PRKDC: variants seen among roughly 807,000 people sequenced by gnomAD.
PRKDC encodes protein kinase, DNA-activated, catalytic subunit.
PRKDC carries 82 observed loss-of-function variants against 486.9 expected under a neutral mutation model. The ratio of observed to expected loss-of-function variants is 0.17; its 90% CI spans 0.14 to 0.20. PRKDC has a LOEUF of 0.20. Ranked by LOEUF, PRKDC falls within the 10% of genes least tolerant of loss-of-function variation. The pLI, the probability that PRKDC is intolerant of heterozygous loss-of-function variation, is 1.00. For synonymous variants in PRKDC, 1,895 were observed against 1,837.0 expected (o/e 1.03, Z -0.81); for missense variants, 4,504 against 5,038.2 (o/e 0.89, Z 3.21).
intron 50 of PRKDC, 87 bp from the exon 51 acceptor site, chr8:47,854,301 G>T: frequency 6.8e-7 from 1 of 1,479,466 alleles, no homozygotes; most frequent in Non-Finnish European, 9.3e-7. Flanking sequence ...TTATTTTTTT[G>T]AGACAGAGTC....
In PRKDC at chr8:47,794,185, C is replaced by T. The variant is rs1236277133; in HGVS notation, c.10670+105G>A. On this transcript the variant is annotated intron_variant, in intron 74 of 85. Coordinates refer to ENST00000314191, the MANE Select transcript of PRKDC (RefSeq NM_006904.7). ...GGCTAAGATTATTCTTCAATGACAA[C>T]TCTAATTAATTTGAAAACAAATGTA... The T allele has an allele frequency of 8.8e-6, 8 of 912,618 alleles. No homozygotes were observed. The South Asian group carries it at 1.2e-4, about 14-fold the overall frequency. 56.5% of individuals were successfully genotyped at this position (912,618 alleles called of 1,614,324 possible). A position where few individuals can be genotyped will look rare whatever the true frequency, so the allele number is the denominator to read the frequency against.
At chr8:47,878,846 GAAAACAAAAC>G (rs1182928046) in intron 39 of PRKDC, among the ~76,000 whole-genome samples, 1 of 151,990 alleles carries the variant, frequency 6.6e-6, no homozygotes, top group Non-Finnish European at 1.5e-5. Context: ...CAAAACAAAA[GAAAACAAAAC>G]AAAACAAAAA....
At chr8:47,861,803 G>A (rs1439005430) in intron 44 of PRKDC, among the ~76,000 whole-genome samples, 1 of 152,170 alleles carries the variant, frequency 6.6e-6, no homozygotes, top group Non-Finnish European at 1.5e-5. Context: ...AACAACTTCT[G>A]GGATATGTCC....
chr8:47,858,125 CAATT>C (rs1291098522), intron 48 of PRKDC, among the ~76,000 whole-genome samples: 3 of 152,106 alleles, frequency 2.0e-5, no homozygotes, highest in Admixed American at 1.3e-4. Context: ...ACGAACTCAG[CAATT>C]GCCTAAGAGT....
intron 61 of PRKDC, among the ~76,000 whole-genome samples, chr8:47,828,714 A>G (rs2087795281): frequency 6.6e-6 from 1 of 152,246 alleles, no homozygotes; most frequent in African/African-American, 2.4e-5. Flanking sequence ...GATAAAGTGC[A>G]GCCAGTGCTT....
Position 47,819,408 on chromosome 8 carries a change from T to G in PRKDC, c.9439A>C (p.Lys3147Gln). 3 of 1,525,874 alleles carry G rather than the reference T, an allele frequency of 2.0e-6. No individual in the cohort carries two copies. In the South Asian group the frequency reaches 3.9e-5, roughly 20 times the overall value. The allele number at this position is 1,525,874 out of a possible 1,614,324, so 94.5% of individuals were successfully genotyped here. A position where few individuals can be genotyped will look rare whatever the true frequency, so the allele number is the denominator to read the frequency against. Residue 3147 changes from lysine (K) to glutamine (Q), a missense_variant, in exon 67 of 86, where the codon AAA becomes CAA. By Grantham distance (53) the Lys-to-Gln change is moderately conservative (BLOSUM62 1). Coordinates refer to ENST00000314191, the MANE Select transcript of PRKDC (RefSeq NM_006904.7). Reference sequence around the variant, plus strand: ...GACCGATGAAAAAAATTACCTTGTTTGCTTATAAAGCTGATGAACTCCTGA... The same window carrying G: ...GACCGATGAAAAAAATTACCTTGTTGGCTTATAAAGCTGATGAACTCCTGA... ...EIQEFISFIS[K>Q]QGNLSSQVPL...
In PRKDC at chr8:47,783,753, A is replaced by T; in HGVS notation, c.11164T>A (p.Phe3722Ile). Reference protein sequence around the residue: ...LPEYHVRIAGFDERVTVMASL... With the variant: ...LPEYHVRIAGIDERVTVMASL... ...ACCCTCACACCTACCCGCTCATCAA[A>T]CCCGGCGATTCGCACGTGGTACTCT... Residue 3722 changes from phenylalanine (F) to isoleucine (I), a missense_variant, in exon 78 of 86, where the codon TTT (phenylalanine) becomes ATT (isoleucine). By Grantham distance (21) the Phe-to-Ile change is conservative. Coordinates refer to ENST00000314191, the MANE Select transcript of PRKDC (RefSeq NM_006904.7). 6.2e-7 allele frequency: 1 copy of T among 1,613,408 alleles called. No homozygotes were observed. The highest frequency in any genetic ancestry group is 8.5e-7 in the Non-Finnish European group (1 of 1,179,796).
In PRKDC at chr8:47,806,474, T is replaced by C. The variant is rs371130076; in HGVS notation, c.9747+663A>G. On this transcript the variant is annotated intron_variant, in intron 69 of 85. Coordinates refer to ENST00000314191, the MANE Select transcript of PRKDC (RefSeq NM_006904.7). ...TTACACTCATCCAAAGAAAAATCTA[T>C]AAATGAGCATTTAAAGCTACAAAAA... Among the ~76,000 whole-genome samples the C allele has an allele frequency of 2.1e-4, 32 of 152,362 alleles. 1 individual carries two copies. Among genetic ancestry groups the C allele is most frequent in the African/African-American group, 7.7e-4 (32 of 41,594 alleles).
At chr8:47,943,141 G>GCAT (rs1487226141) in intron 10 of PRKDC, 68 bp downstream of exon 10, 2 of 1,502,284 alleles carry the variant, frequency 1.3e-6, no homozygotes, top group Admixed American at 2.0e-5. Context: ...AAACATGCAT[G>GCAT]CATGCAAAGG....
intron 16 of PRKDC, among the ~76,000 whole-genome samples, chr8:47,932,332 C>T (rs1406781618): frequency 1.1e-4 from 17 of 152,168 alleles, no homozygotes; most frequent in Non-Finnish European, 1.5e-5. Context: ...ATCCGCCTGC[C>T]TCGGCCTCCC....
chr8:47,818,980 G>A (rs2087518948), intron 67 of PRKDC, among the ~76,000 whole-genome samples: 1 of 152,110 alleles, frequency 6.6e-6, no homozygotes, highest in Non-Finnish European at 1.5e-5. Flanking sequence ...CTCCCTTCAA[G>A]CCAGGGCACC....
chr8:47,954,491 G>GAA, intron 4 of PRKDC, 45 bp from the exon 5 acceptor site: 1 of 722,120 alleles, frequency 1.4e-6, no homozygotes, highest in Non-Finnish European at 2.1e-6. Context: ...CGGGAATCAA[G>GAA]AAAAAAAACA....
In PRKDC at chr8:47,842,943, T is replaced by C. The variant is rs958500935; in HGVS notation, c.7281-2754A>G. On this transcript the variant is annotated intron_variant, in intron 54 of 85. Coordinates refer to ENST00000314191, the MANE Select transcript of PRKDC (RefSeq NM_006904.7). ...ACTTTGGGAAGCTGAGGCAGGTAGA[T>C]TGCTTCAGTTGGGGAGTTTGAGACC... Among the ~76,000 whole-genome samples, 8 of 152,266 alleles carry C rather than the reference T, an allele frequency of 5.3e-5. No homozygotes were observed. The East Asian group carries it at 9.6e-4, about 18-fold the overall frequency.
intron 64 of PRKDC, among the ~76,000 whole-genome samples, chr8:47,822,972 TG>T (rs1456207133): frequency 1.3e-5 from 2 of 152,154 alleles, no homozygotes; most frequent in Non-Finnish European, 2.9e-5. Flanking sequence ...CTAAACCTCA[TG>T]TTGAAATGTA....
chr8:47,853,173 CGTCTGTGTGAGGA>C (rs1378721834), intron 51 of PRKDC, among the ~76,000 whole-genome samples: 1 of 152,214 alleles, frequency 6.6e-6, no homozygotes, highest in African/African-American at 2.4e-5. Flanking sequence ...CTCCCAGTGC[CGTCTGTGTGAGGA>C]GGCTTCCCAG....
intron 13 of PRKDC, 135 bp downstream of exon 13, chr8:47,935,597 G>T (rs1589803965): frequency 5.7e-6 from 5 of 882,570 alleles, no homozygotes; most frequent in East Asian, 2.8e-5. Flanking sequence ...AAAGATTTTG[G>T]TCTACCAAAA....
chr8:47,792,941 G>A (rs1490759209), intron 74 of PRKDC, among the ~76,000 whole-genome samples: 1 of 152,212 alleles, frequency 6.6e-6, no homozygotes, highest in Non-Finnish European at 1.5e-5. Flanking sequence ...CAACTCACAA[G>A]TTCAGTCATA....
chr8:47,896,814 C>T (rs140403383), intron 30 of PRKDC, among the ~76,000 whole-genome samples: 1 of 152,264 alleles, frequency 6.6e-6, no homozygotes, highest in East Asian at 1.9e-4. Flanking sequence ...AGCTATCAAA[C>T]CTAGGTTTGG....
At chr8:47,850,049 T>A (rs1463470522) in intron 52 of PRKDC, among the ~76,000 whole-genome samples, 1 of 152,202 alleles carries the variant, frequency 6.6e-6, no homozygotes, top group Admixed American at 6.5e-5. Context: ...GTGTACCATC[T>A]GTCTCCCCTC....
Sources: gnomAD v4.1 joint callset for allele counts (sites outside exome capture counted in the v4.1 genomes callset) on GRCh38, gnomAD v4.1.1 for gene constraint, MANE v1.5 for transcripts, NCBI Gene and HGNC (gene_info 2026-07-23, HGNC 2026-07-21) for gene names.